The following RCOR2 variants were observed in gnomAD, a reference collection of about 807,000 sequenced individuals.
The protein encoded by RCOR2 is REST corepressor 2.
RCOR2 carries 19 observed loss-of-function variants against 58.9 expected under a neutral mutation model. The ratio of observed to expected loss-of-function variants is 0.32; its 90% CI spans 0.23 to 0.47. RCOR2 has a LOEUF of 0.47. RCOR2 is among the 20% of genes least tolerant of loss of function. RCOR2 has a pLI of 1.00. For synonymous variants in RCOR2, 286 were observed against 278.7 expected (o/e 1.03, Z -0.26); for missense variants, 590 against 707.9 (o/e 0.83, Z 1.89).
rs927203899 is a variant in RCOR2 at position 63,914,971 on chromosome 11, G to A, written c.266-17C>T. 1 of 1,613,858 alleles carries A rather than the reference G, an allele frequency of 6.2e-7. No individual in the cohort carries two copies. Among genetic ancestry groups the A allele is most frequent in the Non-Finnish European group, 8.5e-7 (1 of 1,179,968 alleles). On this transcript the variant is annotated splice_polypyrimidine_tract_variant and intron_variant, in intron 3 of 11. Coordinates refer to ENST00000301459, the MANE Select transcript of RCOR2 (RefSeq NM_173587.4). Reference sequence around the variant, plus strand: ...ACTTGTCAACTGCAGGGGCAGCAGGGGCAGGGTCTTGGTGAAGGGGGTTAT... The same window carrying A: ...ACTTGTCAACTGCAGGGGCAGCAGGAGCAGGGTCTTGGTGAAGGGGGTTAT...
At chr11:63,921,716 T>C (rs760785265), upstream of RCOR2, among the ~76,000 whole-genome samples, 1 of 151,842 alleles carries the variant, frequency 6.6e-6, no homozygotes, top group Non-Finnish European at 1.5e-5. Context: ...TCTGAAGCCG[T>C]GCTCCCCTCT....
rs368144862 is a variant in RCOR2, at chr11:63,916,290, C to G, written c.127+40G>C. ...CCCCTCCCGCCCCACTCCGCTCCCC[C>G]CAGGCCGGCGCGCCTTTAACCCTAG... On this transcript the variant is annotated intron_variant, in intron 1 of 11. Coordinates refer to ENST00000301459, the MANE Select transcript of RCOR2 (RefSeq NM_173587.4). The G allele has an allele frequency of 4.5e-4, 693 of 1,555,244 alleles. 1 individual carries two copies. Among genetic ancestry groups the G allele is most frequent in the East Asian group, 7.0e-4 (30 of 42,912 alleles).
chr11:63,917,283 A>G (rs1198497710), upstream of RCOR2, among the ~76,000 whole-genome samples: 7 of 136,288 alleles, frequency 5.1e-5, no homozygotes, highest in East Asian at 1.5e-3. Flanking sequence ...GGGCGGGGCC[A>G]GGGGGCCGGG....
chr11:63,912,226 G>A (rs12269937), intron 11 of RCOR2, 47 bp from the exon 12 acceptor site: 3 of 1,600,804 alleles, frequency 1.9e-6, no homozygotes, highest in Non-Finnish European at 2.6e-6. Context: ...CCCGCCCTCA[G>A]CCCAGTCTAA....
chr11:63,912,833 A>AC, intron 9 of RCOR2, 37 bp downstream of exon 9: 1 of 1,608,866 alleles, frequency 6.2e-7, no homozygotes, highest in Non-Finnish European at 8.5e-7. Flanking sequence ...CCAGAGAGAA[A>AC]CCCCCCTTTG....
Position 63,914,347 on chromosome 11 carries a change from C to G in RCOR2, c.606-17G>C, listed in dbSNP as rs1212283579. On this transcript the variant is annotated splice_polypyrimidine_tract_variant and intron_variant, in intron 6 of 11. Coordinates refer to ENST00000301459, the MANE Select transcript of RCOR2 (RefSeq NM_173587.4). ...AGCTCATCACTGCTGACACAGGGGCCAGGGAGGGAATGAGGCAGCTGCCAG... is the reference window on the plus strand; with the variant it reads ...AGCTCATCACTGCTGACACAGGGGCGAGGGAGGGAATGAGGCAGCTGCCAG... 1 of 1,613,388 alleles carries G rather than the reference C, an allele frequency of 6.2e-7. No homozygotes were observed. Among genetic ancestry groups the G allele is most frequent in the Non-Finnish European group, 8.5e-7 (1 of 1,180,026 alleles).
upstream of RCOR2, among the ~76,000 whole-genome samples, chr11:63,920,970 C>A (rs1221100260): frequency 1.3e-5 from 2 of 152,236 alleles, no homozygotes; most frequent in East Asian, 3.8e-4. Context: ...GGCACCACCC[C>A]GGCACGGTGG....
At chr11:63,921,863 A>G (rs2134252287), upstream of RCOR2, among the ~76,000 whole-genome samples, 1 of 152,298 alleles carries the variant, frequency 6.6e-6, no homozygotes, top group South Asian at 2.1e-4. Context: ...GCTCCATGAC[A>G]TTGGACACTT....
the RCOR2 span, among the ~76,000 whole-genome samples, chr11:63,926,620 G>A: frequency 6.6e-6 from 1 of 151,670 alleles, no homozygotes; most frequent in Non-Finnish European, 1.5e-5. Flanking sequence ...TGAGTAGCTG[G>A]GATTACAGGC....
In RCOR2 at chr11:63,914,015, G is replaced by A. The variant is rs750567813; in HGVS notation, c.830C>T (p.Pro277Leu). ...PEGLTAVSGS[P>L]DLANLTLRGL... ...TCGGAGCGTGAGGTTGGCAAGGTCC[G>A]GGCTTCCTGACACTGCCGTGAGGCC... Residue 277 changes from proline to leucine, a missense_variant, in exon 8 of 12, where the codon CCG (proline) becomes CTG (leucine). Coordinates refer to ENST00000301459, the MANE Select transcript of RCOR2 (RefSeq NM_173587.4). The A allele has an allele frequency of 1.9e-5, 30 of 1,613,654 alleles. No homozygotes were observed. Among genetic ancestry groups the A allele is most frequent in the South Asian group, 4.4e-5 (4 of 91,076 alleles).
chr11:63,926,489 C>CTTTTTTTTTTTTT, the RCOR2 span, among the ~76,000 whole-genome samples: 16 of 137,792 alleles, frequency 1.2e-4, no homozygotes, highest in Admixed American at 2.2e-4. Context: ...CTCTCTCTCT[C>CTTTTTTTTTTTTT]TTTTTTTTTT....
At position 63,915,676 on chromosome 11, in the gene RCOR2, G is replaced by T. The variant is rs1218979412; in HGVS notation, c.128-65C>A. 5.4e-6 allele frequency: 7 copies of T among 1,297,508 alleles called. No homozygotes were observed. The East Asian group carries it at 1.3e-4, about 24-fold the overall frequency. The allele number at this position is 1,297,508 out of a possible 1,614,324, so 80.4% of individuals were successfully genotyped here. ...GCGGGCGGGAGGGAGGATGTGGCGG[G>T]CGGGGGAGGTGGCCGGCCTGGAGTT... is the stretch of plus-strand genomic sequence containing the variant. On this transcript the variant is annotated intron_variant, in intron 1 of 11. Transcript: ENST00000301459.
At position 63,914,162 on chromosome 11, in the gene RCOR2, G is replaced by T; in HGVS notation, c.683C>A (p.Pro228His). Residue 228 changes from proline (P) to histidine (H), a missense_variant, in exon 8 of 12, where the codon CCC becomes CAC. Transcript: ENST00000301459. ...TGGGCGTGCATTCAGGGGCCGAGAGGGTAGAGGCTGCCAGTGAAAGGAGAG... is the reference window on the plus strand; with the variant it reads ...TGGGCGTGCATTCAGGGGCCGAGAGTGTAGAGGCTGCCAGTGAAAGGAGAG... ...DPADPKREPL[P>H]SRPLNARPGP... The T allele has an allele frequency of 1.2e-6, 2 of 1,613,714 alleles. No homozygotes were observed. The highest frequency in any genetic ancestry group is 1.6e-4 in the Middle Eastern group (1 of 6,062).
the RCOR2 span, among the ~76,000 whole-genome samples, chr11:63,922,644 G>A: frequency 2.0e-5 from 3 of 152,186 alleles, no homozygotes; most frequent in South Asian, 6.2e-4. Context: ...GAGCCACTGC[G>A]CCAGGCCACT....
intron 8 of RCOR2, among the ~76,000 whole-genome samples, chr11:63,913,185 T>TATA (rs1491388421): frequency 8.9e-3 from 361 of 40,500 alleles, no homozygotes; most frequent in African/African-American, 0.025. Flanking sequence ...TATATATATA[T>TATA]TTTTTTTTTT....
rs768798885 is a variant in RCOR2 at position 63,916,501 on chromosome 11, C to T, written c.-45G>A. 2 of 1,576,410 alleles carry T rather than the reference C, an allele frequency of 1.3e-6. No homozygotes were observed. The highest frequency in any genetic ancestry group is 1.7e-6 in the Non-Finnish European group (2 of 1,163,374). On this transcript the variant is annotated 5_prime_UTR_variant, in exon 1 of 12. Coordinates refer to ENST00000301459, the MANE Select transcript of RCOR2 (RefSeq NM_173587.4). The stretch of plus-strand genomic sequence containing the variant: ...GGGGGGCGCAGGAGCCTTCGGAGAG[C>T]GACAGTGGTTGCCGCACTCGCTCCG...
upstream of RCOR2, among the ~76,000 whole-genome samples, chr11:63,921,819 G>C (rs546444308): frequency 6.6e-6 from 1 of 152,146 alleles, no homozygotes; most frequent in Admixed American, 6.5e-5. Flanking sequence ...GCCCCACCTT[G>C]AGCTCCTGGG....
Position 63,916,512 on chromosome 11 carries a change from G to T in RCOR2, c.-56C>A. The T allele has an allele frequency of 6.4e-7, 1 of 1,557,224 alleles. No homozygotes were observed. The highest frequency in any genetic ancestry group is 1.4e-5 in the African/African-American group (1 of 73,920). ...GAGCCTTCGGAGAGCGACAGTGGTT[G>T]CCGCACTCGCTCCGAGTGCCGAGCC... On this transcript the variant is annotated 5_prime_UTR_variant, in exon 1 of 12. Transcript: ENST00000301459.
At chr11:63,912,610 C>T (rs1255436903) in intron 10 of RCOR2, 66 bp downstream of exon 10, 2 of 1,595,822 alleles carry the variant, frequency 1.3e-6, no homozygotes, top group Non-Finnish European at 1.7e-6. Flanking sequence ...CCTCTGCCCC[C>T]CCACTCCTTG....
Sources: gnomAD v4.1 joint callset for allele counts (sites outside exome capture counted in the v4.1 genomes callset) on GRCh38, gnomAD v4.1.1 for gene constraint, MANE v1.5 for transcripts, NCBI Gene and HGNC (gene_info 2026-07-23, HGNC 2026-07-21) for gene names.